The following LARS1 variants were observed in gnomAD, a reference collection of about 807,000 sequenced individuals.
LARS1 encodes leucyl-tRNA synthetase 1, also known as leucine--tRNA ligase, cytoplasmic.
In LARS1, 100 loss-of-function variants were observed where a neutral mutation model predicts 162.8. That is an observed-to-expected ratio of 0.61 (90% CI 0.52 to 0.73). The LOEUF is 0.73. Among genes scored for constraint, LARS1 ranks in the 30% least tolerant of loss-of-function variants. The pLI, the probability that LARS1 is intolerant of heterozygous loss-of-function variation, is 0.00. For synonymous variants in LARS1, 457 were observed against 462.8 expected, an observed-to-expected ratio of 0.99 and a Z score of 0.16; for missense variants, 1,258 against 1,408.9, an observed-to-expected ratio of 0.89 and a Z score of 1.71.
intron 31 of LARS1, among the ~76,000 whole-genome samples, chr5:146,115,061 A>AAC (rs1332027877): frequency 0.014 from 2,158 of 150,914 alleles, 57 homozygotes; most frequent in African/African-American, 0.049. Context: ...AAAAAAAAAA[A>AAC]AAAAAACAAT....
At chr5:146,137,434 C>T (rs1377201990) in intron 21 of LARS1, among the ~76,000 whole-genome samples, 9 of 151,982 alleles carry the variant, frequency 5.9e-5, no homozygotes, top group Middle Eastern at 6.8e-3. Flanking sequence ...TTTGCATAAC[C>T]TCCTACTGAG....
At chr5:146,143,111 T>A (rs1010654162) in intron 19 of LARS1, 27 bp from the exon 20 acceptor site, 32 of 1,081,622 alleles carry the variant, frequency 3.0e-5, no homozygotes, top group Admixed American at 1.2e-4. Context: ...ACAAACTATT[T>A]TATATATATA....
chr5:146,153,275 G>C, intron 12 of LARS1, 48 bp from the exon 13 acceptor site: 1 of 1,249,618 alleles, frequency 8.0e-7, no homozygotes, highest in East Asian at 2.3e-5. Flanking sequence ...ACTTTACTGG[G>C]AGAATCATTG....
rs754853237 is a variant in LARS1 at position 146,132,955 on chromosome 5, T to A, written c.2339A>T (p.Asn780Ile). 1.2e-6 allele frequency: 2 copies of A among 1,614,190 alleles called. No individual in the cohort carries two copies. The highest frequency in any genetic ancestry group is 2.2e-5 in the South Asian group (2 of 91,084). The change falls in exon 23 of 32, where the codon AAC becomes ATC. Residue 780 changes from asparagine (N) to isoleucine (I), a missense_variant. Physicochemically the swap from Asn to Ile is moderately radical, Grantham distance 149 (BLOSUM62 -3). Coordinates refer to ENST00000394434, the MANE Select transcript of LARS1 (RefSeq NM_020117.11). Reference protein sequence around the residue: ...WVEWVKEMVANWDSLRSGPAS... With the variant: ...WVEWVKEMVAIWDSLRSGPAS... The stretch of plus-strand genomic sequence containing the variant: ...AGGACCACTTCTTAGGCTGTCCCAG[T>A]TGGCAACCATTTCTTTCACCCACTC...
rs1211639442 is a variant in LARS1, at chr5:146,179,124, C to T, written c.7-1459G>A. Among the ~76,000 whole-genome samples the T allele has an allele frequency of 3.9e-5, 6 of 152,126 alleles. No individual in the cohort carries two copies. In the South Asian group the frequency reaches 6.2e-4, roughly 16 times the overall value. ...GCATGCGCCTATAATCTCAGCTACT[C>T]GGGAGGCAAAGACAGGAGAATTACC... On this transcript the variant is annotated intron_variant, in intron 1 of 31. Transcript: ENST00000394434.
At chr5:146,170,777 C>T (rs1250674937) in intron 4 of LARS1, among the ~76,000 whole-genome samples, 1 of 150,890 alleles carries the variant, frequency 6.6e-6, no homozygotes, top group Non-Finnish European at 1.5e-5. Flanking sequence ...GGCAGATTAC[C>T]TGAGGTCAGG....
chr5:146,166,259 G>T (rs1459651124), intron 5 of LARS1, among the ~76,000 whole-genome samples: 2 of 152,132 alleles, frequency 1.3e-5, no homozygotes, highest in Admixed American at 1.3e-4. Flanking sequence ...TTGAACAAAG[G>T]AAGATGAGGG....
chr5:146,163,386 T>C (rs1172366904), intron 6 of LARS1, among the ~76,000 whole-genome samples: 1 of 152,158 alleles, frequency 6.6e-6, no homozygotes. Context: ...TTTCATCTCC[T>C]TCAAGAACTT....
At chr5:146,168,493 G>A (rs1011279090) in intron 4 of LARS1, among the ~76,000 whole-genome samples, 11 of 152,080 alleles carry the variant, frequency 7.2e-5, no homozygotes, top group Non-Finnish European at 1.3e-4. Context: ...TCAGGAGTTC[G>A]AGACCAGCCT....
At chr5:146,133,451 T>C (rs1465588739) in intron 22 of LARS1, among the ~76,000 whole-genome samples, 1 of 152,148 alleles carries the variant, frequency 6.6e-6, no homozygotes, top group Admixed American at 6.6e-5. Context: ...CATTTAGAGG[T>C]AGCAAAATAC....
chr5:146,171,842 T>C (rs1754294507), intron 4 of LARS1, 68 bp downstream of exon 4: 2 of 1,092,390 alleles, frequency 1.8e-6, no homozygotes, highest in South Asian at 2.9e-5. Context: ...CCTTTTAAGC[T>C]CTTGAATTGG....
Position 146,164,349 on chromosome 5 carries a change from C to T in LARS1, c.555G>A (p.Pro185=), listed in dbSNP as rs761150466. The T allele has an allele frequency of 1.5e-5, 25 of 1,614,038 alleles. No individual in the cohort carries two copies. Among genetic ancestry groups the T allele is most frequent in the South Asian group, 1.4e-4 (13 of 91,078 alleles). The change falls in exon 6 of 32, where the codon CCG becomes CCA. Residue 185 remains proline (P), a synonymous_variant. Coordinates refer to ENST00000394434, the MANE Select transcript of LARS1 (RefSeq NM_020117.11). ...SEAEHWLDYF[P]PLAIQDLKRM... is the part of the protein sequence containing the mutation. ...TTTTTAAATCCTGAATAGCCAGTGG[C>T]GGGAAATAATCAAGCCAATGTTCTG...
At chr5:146,153,111 T>G in intron 13 of LARS1, 63 bp downstream of exon 13, 1 of 1,280,372 alleles carries the variant, frequency 7.8e-7, no homozygotes, top group South Asian at 1.3e-5. Flanking sequence ...GAAAACATGT[T>G]AGCTCTTCTT....
At chr5:146,180,550 C>A (rs1754791332) in intron 1 of LARS1, among the ~76,000 whole-genome samples, 2 of 151,978 alleles carry the variant, frequency 1.3e-5, no homozygotes, top group Admixed American at 1.3e-4. Context: ...ATCATGTCAC[C>A]CATTGTAAAG....
chr5:146,114,770 G>A (rs1764124101), intron 31 of LARS1, among the ~76,000 whole-genome samples: 1 of 152,012 alleles, frequency 6.6e-6, no homozygotes, highest in South Asian at 2.1e-4. Context: ...CAGTGGCCGG[G>A]CATGGTGGCT....
intron 15 of LARS1, among the ~76,000 whole-genome samples, chr5:146,145,858 CAA>C (rs1752984182): frequency 6.6e-6 from 1 of 152,042 alleles, no homozygotes; most frequent in Non-Finnish European, 1.5e-5. Flanking sequence ...CATGAACCTA[CAA>C]AGTCAAAATG....
chr5:146,133,476 G>A (rs77899957), intron 22 of LARS1, among the ~76,000 whole-genome samples: 2,013 of 152,152 alleles, frequency 0.013, 45 homozygotes, highest in African/African-American at 0.047. Flanking sequence ...TAATACATGA[G>A]AATACACACT....
In LARS1 at chr5:146,168,109, A is replaced by G; in HGVS notation, c.432+19T>C. ...AAATATAAAACTTCAACCAACATAAATATCAACCACTATCAAACCTTTTTT... is the reference window on the plus strand; with the variant it reads ...AAATATAAAACTTCAACCAACATAAGTATCAACCACTATCAAACCTTTTTT... On this transcript the variant is annotated intron_variant, in intron 5 of 31. Coordinates refer to ENST00000394434, the MANE Select transcript of LARS1 (RefSeq NM_020117.11). The G allele has an allele frequency of 6.3e-7, 1 of 1,580,572 alleles. No homozygotes were observed. The highest frequency in any genetic ancestry group is 8.7e-7 in the Non-Finnish European group (1 of 1,155,376).
At chr5:146,169,229 C>T (rs534138958) in intron 4 of LARS1, among the ~76,000 whole-genome samples, 1 of 152,248 alleles carries the variant, frequency 6.6e-6, no homozygotes, top group East Asian at 1.9e-4. Context: ...AAGTGATTTA[C>T]CCAAGGTCAT....
Sources: allele counts gnomAD v4.1 joint callset (sites outside exome capture counted in the v4.1 genomes callset), GRCh38; gene constraint gnomAD v4.1.1; transcripts MANE v1.5; gene names NCBI Gene and HGNC (gene_info 2026-07-23, HGNC 2026-07-21).